WDPCP: variants seen among roughly 807,000 people sequenced by gnomAD.
WDPCP encodes the protein WD repeat-containing and planar cell polarity effector protein fritz homolog.
A neutral mutation model predicts 93.1 loss-of-function variants in WDPCP; 71 were observed. The observed-to-expected ratio is 0.76, with a 90% CI of 0.63 to 0.93. The LOEUF is 0.93. WDPCP is among the 40% of genes least tolerant of loss of function. The pLI is 0.00. For missense variants in WDPCP, 844 were observed against 887.4 expected, an observed-to-expected ratio of 0.95 and a Z score of 0.62; for synonymous variants, 315 against 315.0, an observed-to-expected ratio of 1.00 and a Z score of 0.00.
At chr2:63,441,905 TTAAAGTAGGTTAAA>T (rs1374609308) in intron 6 of WDPCP, 3 of 152,136 alleles carry the variant, frequency 2.0e-5, no homozygotes, top group Non-Finnish European at 4.4e-5. Flanking sequence ...AATATAATTC[TTAAAGTAGGTTAAA>T]TAAAGTAGGT....
chr2:63,387,613 G>A (rs537390127), intron 10 of WDPCP, among the ~76,000 whole-genome samples: 143 of 152,148 alleles, frequency 9.4e-4, no homozygotes, highest in Non-Finnish European at 1.6e-3. Context: ...ATATAGAACC[G>A]GAAGTCCTAG....
At chr2:63,473,689 T>G (rs1699813155) in intron 6 of WDPCP, among the ~76,000 whole-genome samples, 1 of 152,210 alleles carries the variant, frequency 6.6e-6, no homozygotes. Flanking sequence ...CTTTTTATTC[T>G]CTTTGTCCTC....
At chr2:63,265,224 G>C (rs1464437496) in intron 13 of WDPCP, among the ~76,000 whole-genome samples, 1 of 151,866 alleles carries the variant, frequency 6.6e-6, no homozygotes, top group Non-Finnish European at 1.5e-5. Flanking sequence ...TAACAGAAGA[G>C]ATCAAGAAAA....
At chr2:63,558,398 C>T (rs765986238) in intron 1 of WDPCP, among the ~76,000 whole-genome samples, 12 of 151,650 alleles carry the variant, frequency 7.9e-5, no homozygotes, top group Non-Finnish European at 1.3e-4. Flanking sequence ...CGTGGTGGTG[C>T]GTGCCTGTAA....
At chr2:63,637,355 A>C (rs370629922) in intron 3 of WDPCP, among the ~76,000 whole-genome samples, 15 of 151,418 alleles carry the variant, frequency 9.9e-5, no homozygotes, top group Middle Eastern at 3.2e-3. Context: ...CCGTCTCACA[A>C]AAAAAAAGAA....
chr2:63,329,493 A>G (rs1212737796), intron 12 of WDPCP, among the ~76,000 whole-genome samples: 8 of 152,144 alleles, frequency 5.3e-5, no homozygotes. Context: ...AAGTATTTGA[A>G]TTCTATTTAA....
chr2:63,228,277 T>G (rs1559224108), intron 14 of WDPCP: 1 of 151,682 alleles, frequency 6.6e-6, no homozygotes, highest in East Asian at 1.9e-4. Context: ...TATTAACACA[T>G]GAAAAAAAAT....
At chr2:63,159,437 G>A (rs966648337) in intron 15 of WDPCP, among the ~76,000 whole-genome samples, 3 of 151,934 alleles carry the variant, frequency 2.0e-5, no homozygotes, top group Non-Finnish European at 4.4e-5. Context: ...AAGTTTGTCA[G>A]ATAATTCCAA....
intron 1 of WDPCP, among the ~76,000 whole-genome samples, chr2:63,516,451 T>C (rs1160650524): frequency 2.0e-5 from 3 of 152,192 alleles, no homozygotes; most frequent in Admixed American, 2.0e-4. Flanking sequence ...ATGGGGCTGC[T>C]ACAGCCCTCT....
chr2:63,165,864 C>G (rs192600162), intron 15 of WDPCP, among the ~76,000 whole-genome samples: 6 of 151,574 alleles, frequency 4.0e-5, no homozygotes, highest in Admixed American at 2.0e-4. Context: ...TTTTTTTGAT[C>G]AAGTTGGTCC....
chr2:63,558,421 G>C (rs910749877), intron 1 of WDPCP, among the ~76,000 whole-genome samples: 3 of 151,926 alleles, frequency 2.0e-5, no homozygotes, highest in Non-Finnish European at 2.9e-5. Flanking sequence ...CCAGCTACTT[G>C]GGAGGCTTGA....
At chr2:63,452,724 G>A (rs1298477125) in intron 6 of WDPCP, among the ~76,000 whole-genome samples, 1 of 152,184 alleles carries the variant, frequency 6.6e-6, no homozygotes, top group Non-Finnish European at 1.5e-5. Context: ...AAAACAGTAT[G>A]GTACTGGTAC....
At chr2:63,524,622 A>C (rs1703186352) in intron 1 of WDPCP, among the ~76,000 whole-genome samples, 1 of 152,236 alleles carries the variant, frequency 6.6e-6, no homozygotes, top group African/African-American at 2.4e-5. Context: ...TTAAAGATTT[A>C]AATGTGAAAC....
At chr2:63,483,073 T>C (rs1165954520) in intron 6 of WDPCP, among the ~76,000 whole-genome samples, 1 of 151,918 alleles carries the variant, frequency 6.6e-6, no homozygotes, top group Non-Finnish European at 1.5e-5. Context: ...TTCATTAAAC[T>C]CTATCTAAAA....
intron 2 of WDPCP, among the ~76,000 whole-genome samples, chr2:63,800,312 G>C (rs1035992439): frequency 2.6e-5 from 4 of 152,072 alleles, no homozygotes. Flanking sequence ...ACGGAGCTCC[G>C]TACAGCTGCA....
intron 15 of WDPCP, 72 bp from the exon 16 acceptor site, chr2:63,153,646 AG>A: frequency 1.0e-6 from 1 of 998,334 alleles, no homozygotes; most frequent in Admixed American, 2.7e-5. Flanking sequence ...TATAAGTTAT[AG>A]ATTTTAAAGT....
intron 2 of WDPCP, among the ~76,000 whole-genome samples, chr2:63,746,448 A>C (rs1346195708): frequency 6.6e-6 from 1 of 152,176 alleles, no homozygotes; most frequent in East Asian, 1.9e-4. Context: ...AACAAGGGAG[A>C]TAACCTTAAA....
intron 10 of WDPCP, among the ~76,000 whole-genome samples, chr2:63,396,376 CA>C (rs1472719957): frequency 2.0e-5 from 3 of 152,198 alleles, no homozygotes; most frequent in Admixed American, 1.3e-4. Context: ...CACACATACA[CA>C]CGTTGCCTGT....
At chr2:63,156,144 C>T (rs887307904) in intron 15 of WDPCP, among the ~76,000 whole-genome samples, 33 of 151,932 alleles carry the variant, frequency 2.2e-4, no homozygotes, top group Non-Finnish European at 2.5e-4. Flanking sequence ...GGACTACAGG[C>T]GTGTGCCACC....
Sources: allele counts gnomAD v4.1 joint callset (sites outside exome capture counted in the v4.1 genomes callset), GRCh38; gene constraint gnomAD v4.1.1; transcripts MANE v1.5; gene names NCBI Gene and HGNC (gene_info 2026-07-23, HGNC 2026-07-21).